NPFFR2: variants seen among roughly 807,000 people sequenced by gnomAD.
NPFFR2 encodes the protein neuropeptide FF receptor 2.
Under a neutral mutation model 13.1 loss-of-function variants are expected in NPFFR2, and 15 were observed. That is an observed-to-expected ratio of 1.15 (90% confidence interval 0.77 to 1.76). The LOEUF (loss-of-function observed/expected upper bound fraction) is 1.76, where lower values mean the gene tolerates loss of function less well. NPFFR2 is among the 40% of genes most tolerant of loss of function. The probability of loss-of-function intolerance (pLI) is 0.00; values close to 1 mark genes in which losing one functional copy is unlikely to be tolerated. For synonymous variants in NPFFR2, 190 were observed against 175.7 expected (o/e 1.08, Z -0.65); for missense variants, 572 against 503.5 (o/e 1.14, Z -1.30).
chr4:72,074,124 G>T (rs1395465049), intron 1 of NPFFR2, among the ~76,000 whole-genome samples: 1 of 151,306 alleles, frequency 6.6e-6, no homozygotes, highest in East Asian at 1.9e-4. Flanking sequence ...TAAAATAAGG[G>T]TTACTTGAAC....
intron 1 of NPFFR2, among the ~76,000 whole-genome samples, chr4:72,108,559 A>T (rs1721479139): frequency 6.6e-6 from 1 of 151,946 alleles, no homozygotes; most frequent in Non-Finnish European, 1.5e-5. Flanking sequence ...GGCATCTAAT[A>T]CCTTAAAAAA....
At chr4:72,035,714 A>C (rs1047310872) in intron 1 of NPFFR2, among the ~76,000 whole-genome samples, 2 of 152,218 alleles carry the variant, frequency 1.3e-5, no homozygotes, top group African/African-American at 4.8e-5. Flanking sequence ...AAGAAAAAAC[A>C]AATAAAATAA....
At chr4:72,041,080 A>T (rs775165950) in intron 1 of NPFFR2, among the ~76,000 whole-genome samples, 9 of 152,102 alleles carry the variant, frequency 5.9e-5, no homozygotes, top group Non-Finnish European at 1.0e-4. Context: ...GTTTGGGTAC[A>T]GTTGAACCCA....
intron 1 of NPFFR2, among the ~76,000 whole-genome samples, chr4:72,100,984 A>AT (rs1038823255): frequency 6.6e-5 from 10 of 151,718 alleles, no homozygotes; most frequent in East Asian, 1.9e-4. Flanking sequence ...AAATCATTCT[A>AT]TTTTTTTTGT....
chr4:72,106,466 G>A (rs1721422636), intron 1 of NPFFR2, among the ~76,000 whole-genome samples: 2 of 152,026 alleles, frequency 1.3e-5, no homozygotes, highest in South Asian at 4.1e-4. Flanking sequence ...GAATTGCCCC[G>A]CATGAAGAGA....
chr4:72,066,415 T>C (rs1292623414), intron 1 of NPFFR2, among the ~76,000 whole-genome samples: 1 of 152,146 alleles, frequency 6.6e-6, no homozygotes, highest in Non-Finnish European at 1.5e-5. Flanking sequence ...AAAAATATAT[T>C]CAGTCCATTC....
At chr4:72,135,141 C>T (rs1191700356) in intron 2 of NPFFR2, among the ~76,000 whole-genome samples, 1 of 152,096 alleles carries the variant, frequency 6.6e-6, no homozygotes, top group Non-Finnish European at 1.5e-5. Context: ...ATATTTAATT[C>T]TTTCTTCTTT....
intron 1 of NPFFR2, among the ~76,000 whole-genome samples, chr4:72,103,231 G>A (rs915416183): frequency 6.6e-6 from 1 of 152,076 alleles, no homozygotes; most frequent in Non-Finnish European, 1.5e-5. Context: ...ATTGTTTAAG[G>A]TCTGCTACAG....
At chr4:72,096,230 T>C (rs947755640) in intron 1 of NPFFR2, among the ~76,000 whole-genome samples, 1 of 152,164 alleles carries the variant, frequency 6.6e-6, no homozygotes, top group African/African-American at 2.4e-5. Context: ...ATATTGGTAA[T>C]TTTAAAAAAG....
At chr4:72,105,184 G>C (rs1158533081) in intron 1 of NPFFR2, among the ~76,000 whole-genome samples, 1 of 151,542 alleles carries the variant, frequency 6.6e-6, no homozygotes, top group Non-Finnish European at 1.5e-5. Flanking sequence ...AGTTTCATTT[G>C]AATAGGGATT....
chr4:72,089,921 T>C (rs893595804), intron 1 of NPFFR2, among the ~76,000 whole-genome samples: 2 of 152,036 alleles, frequency 1.3e-5, no homozygotes, highest in African/African-American at 4.8e-5. Context: ...AGGGTTTTTT[T>C]CTAATGTTAT....
At chr4:72,042,505 T>C (rs1719250394) in intron 1 of NPFFR2, among the ~76,000 whole-genome samples, 3 of 152,164 alleles carry the variant, frequency 2.0e-5, no homozygotes, top group Admixed American at 2.0e-4. Flanking sequence ...AGATAAGAAA[T>C]GTGGGAAAGT....
At chr4:72,053,445 A>G (rs1719648947) in intron 1 of NPFFR2, among the ~76,000 whole-genome samples, 1 of 151,926 alleles carries the variant, frequency 6.6e-6, no homozygotes, top group Non-Finnish European at 1.5e-5. Flanking sequence ...AAATTCTATA[A>G]GAAAGTTATT....
At chr4:72,089,870 G>T (rs1720869750) in intron 1 of NPFFR2, among the ~76,000 whole-genome samples, 1 of 151,890 alleles carries the variant, frequency 6.6e-6, no homozygotes, top group Non-Finnish European at 1.5e-5. Flanking sequence ...TTTGCTTTTG[G>T]GTTCTTGGCC....
At chr4:72,106,421 C>T (rs1392678354) in intron 1 of NPFFR2, among the ~76,000 whole-genome samples, 3 of 152,024 alleles carry the variant, frequency 2.0e-5, no homozygotes, top group Non-Finnish European at 2.9e-5. Flanking sequence ...TCAGATTTCT[C>T]ACGGCCAAGG....
chr4:72,137,932 C>G (rs570746102), intron 2 of NPFFR2, 108 bp from the exon 3 acceptor site: 6 of 762,394 alleles, frequency 7.9e-6, no homozygotes, highest in Non-Finnish European at 1.3e-5. Flanking sequence ...CTCTGCCTAT[C>G]ATGTAGAAAA....
chr4:72,123,890 C>T (rs558179814), intron 1 of NPFFR2, among the ~76,000 whole-genome samples: 18 of 152,304 alleles, frequency 1.2e-4, no homozygotes, highest in Non-Finnish European at 1.9e-4. Context: ...TCCTATTCAA[C>T]ATAGTGTTGG....
chr4:72,061,200 C>CT (rs1719910128), intron 1 of NPFFR2, among the ~76,000 whole-genome samples: 1 of 152,178 alleles, frequency 6.6e-6, no homozygotes, highest in Admixed American at 6.6e-5. Flanking sequence ...TAGTGAAACA[C>CT]TTTCTATCTG....
At chr4:72,074,193 A>G (rs1720358504) in intron 1 of NPFFR2, among the ~76,000 whole-genome samples, 1 of 152,052 alleles carries the variant, frequency 6.6e-6, no homozygotes, top group African/African-American at 2.4e-5. Flanking sequence ...TTAGGTGACT[A>G]ATGACAATCC....
Sources: gnomAD v4.1 joint callset for allele counts (sites outside exome capture counted in the v4.1 genomes callset) on GRCh38, gnomAD v4.1.1 for gene constraint, MANE v1.5 for transcripts, NCBI Gene and HGNC (gene_info 2026-07-23, HGNC 2026-07-21) for gene names.